The following MGRN1 variants were observed in gnomAD, a reference collection of about 807,000 sequenced individuals.
MGRN1 encodes E3 ubiquitin-protein ligase MGRN1.
In MGRN1, 29 loss-of-function variants were observed where a neutral mutation model predicts 69.2. That is an observed-to-expected ratio of 0.42 (90% CI 0.31 to 0.57). The LOEUF (loss-of-function observed/expected upper bound fraction) is 0.57, where lower values mean the gene tolerates loss of function less well. Among genes scored for constraint, MGRN1 ranks in the 20% least tolerant of loss-of-function variants. The pLI, the probability that MGRN1 is intolerant of heterozygous loss-of-function variation, is 0.15. For missense variants in MGRN1, 998 were observed against 796.2 expected, an observed-to-expected ratio of 1.25 and a Z score of -3.05; for synonymous variants, 470 against 344.2, an observed-to-expected ratio of 1.37 and a Z score of -4.04.
chr16:4,651,719 G>T (rs900638937), intron 2 of MGRN1, among the ~76,000 whole-genome samples: 1 of 152,140 alleles, frequency 6.6e-6, no homozygotes, highest in African/African-American at 2.4e-5. Flanking sequence ...AGCGTGCAGG[G>T]GTCTGGCGTT....
At chr16:4,663,758 G>A (rs542518462) in intron 5 of MGRN1, among the ~76,000 whole-genome samples, 67 of 152,332 alleles carry the variant, frequency 4.4e-4, no homozygotes, top group African/African-American at 1.5e-3. Context: ...AGAGTAGGGC[G>A]AGACCCACAG....
chr16:4,682,686 C>G, intron 13 of MGRN1, 137 bp from the exon 14 acceptor site: 5 of 1,049,584 alleles, frequency 4.8e-6, no homozygotes, highest in Non-Finnish European at 6.4e-6. Context: ...CTGGTGATGC[C>G]CTTCTCCAGG....
chr16:4,668,394 C>G, intron 8 of MGRN1, 82 bp downstream of exon 8: 6 of 1,424,752 alleles, frequency 4.2e-6, no homozygotes, highest in Non-Finnish European at 5.9e-6. Context: ...CATACATAGA[C>G]ACACACTCAT....
rs182524697 is a variant in MGRN1 at position 4,664,531 on chromosome 16, C to T, written c.562-178C>T. 19 of 633,284 alleles carry T rather than the reference C, an allele frequency of 3.0e-5. No individual in the cohort carries two copies. In the East Asian group the frequency reaches 4.9e-4, roughly 16 times the overall value. The allele number at this position is 633,284 out of a possible 1,614,324, so 39.2% of individuals were successfully genotyped here. A position where few individuals can be genotyped will look rare whatever the true frequency, so the allele number is the denominator to read the frequency against. ...TTTGTGTTGTATCTGTTTTAACACA[C>T]ACATAAAAAAGGTGCCAAGCCTGGC... On this transcript the variant is annotated intron_variant, in intron 5 of 16. Transcript: ENST00000262370.
intron 1 of MGRN1, among the ~76,000 whole-genome samples, chr16:4,644,506 C>A (rs2078234365): frequency 6.6e-6 from 1 of 151,472 alleles, no homozygotes; most frequent in African/African-American, 2.4e-5. Context: ...GACAGGGTTT[C>A]TCCATTATGG....
intron 1 of MGRN1, among the ~76,000 whole-genome samples, chr16:4,632,478 C>A (rs1381031802): frequency 6.6e-6 from 1 of 152,022 alleles, no homozygotes; most frequent in African/African-American, 2.4e-5. Flanking sequence ...ACTGCAAGCT[C>A]TGCCTCCCGG....
chr16:4,662,549 C>T (rs957878361), intron 5 of MGRN1, among the ~76,000 whole-genome samples: 1 of 151,942 alleles, frequency 6.6e-6, no homozygotes, highest in South Asian at 2.1e-4. Flanking sequence ...GTAATACTCA[C>T]AACAACTGTA....
At chr16:4,681,522 A>G (rs1350121859) in intron 12 of MGRN1, 28 bp from the exon 13 acceptor site, 1 of 1,589,418 alleles carries the variant, frequency 6.3e-7, no homozygotes, top group Non-Finnish European at 8.6e-7. Context: ...CCTGGGCATG[A>G]GCCCCCTCAC....
At chr16:4,680,916 T>G (rs532386148) in intron 12 of MGRN1, among the ~76,000 whole-genome samples, 1 of 152,364 alleles carries the variant, frequency 6.6e-6, no homozygotes, top group East Asian at 1.9e-4. Context: ...TGACGAGCGT[T>G]GTGCCCCTCA....
chr16:4,650,271 C>G (rs2078372955), intron 1 of MGRN1, 94 bp from the exon 2 acceptor site: 2 of 980,060 alleles, frequency 2.0e-6, no homozygotes, highest in South Asian at 1.6e-5. Context: ...CCACTGCACT[C>G]CAGCCTGGGT....
intron 1 of MGRN1, among the ~76,000 whole-genome samples, chr16:4,626,446 G>C (rs1213460095): frequency 6.6e-6 from 1 of 152,206 alleles, no homozygotes; most frequent in Non-Finnish European, 1.5e-5. Flanking sequence ...CCTTGGTCGA[G>C]GTTGCTTAAC....
chr16:4,643,820 C>A (rs1484003677), intron 1 of MGRN1, among the ~76,000 whole-genome samples: 1 of 152,108 alleles, frequency 6.6e-6, no homozygotes, highest in African/African-American at 2.4e-5. Context: ...AACAAATATT[C>A]CAGTTTTTAT....
chr16:4,625,414 T>C lies in MGRN1; in HGVS notation c.88+366T>C, dbSNP rs1323688817. ...ATCGCTTCTGCCTAGAAAACTCTCATTGTCATCAGATTGACCTCACCGCGG... is the reference window on the plus strand; with the variant it reads ...ATCGCTTCTGCCTAGAAAACTCTCACTGTCATCAGATTGACCTCACCGCGG... On this transcript the variant is annotated intron_variant, in intron 1 of 16. Coordinates refer to ENST00000262370, the MANE Select transcript of MGRN1 (RefSeq NM_015246.4). 5.9e-5 allele frequency among the ~76,000 whole-genome samples: 9 copies of C among 152,176 alleles called. No individual in the cohort carries two copies. The East Asian group carries it at 1.5e-3, about 26-fold the overall frequency.
At position 4,689,072 on chromosome 16, in the gene MGRN1, C is replaced by A; in HGVS notation, c.*164C>A. ...TGATCAAAGAGCACAGTGAACTGTC[C>A]CTTCTGAGTCTCCCTTTTCTACAGT... On this transcript the variant is annotated 3_prime_UTR_variant, in exon 17 of 17. Coordinates refer to ENST00000262370, the MANE Select transcript of MGRN1 (RefSeq NM_015246.4). 1.1e-6 allele frequency: 1 copy of A among 888,626 alleles called. No homozygotes were observed. The highest frequency in any genetic ancestry group is 1.6e-6 in the Non-Finnish European group (1 of 615,936). 55.0% of individuals were successfully genotyped at this position (888,626 alleles called of 1,614,324 possible). A position where few individuals can be genotyped will look rare whatever the true frequency, so the allele number is the denominator to read the frequency against.
chr16:4,655,762 C>T (rs562372653), intron 4 of MGRN1, among the ~76,000 whole-genome samples: 1 of 152,352 alleles, frequency 6.6e-6, no homozygotes, highest in East Asian at 1.9e-4. Context: ...GGCACCCGGA[C>T]ACCATCCAGC....
At chr16:4,674,176 G>A (rs2079002816) in intron 10 of MGRN1, among the ~76,000 whole-genome samples, 1 of 152,206 alleles carries the variant, frequency 6.6e-6, no homozygotes, top group Non-Finnish European at 1.5e-5. Flanking sequence ...TAGAGATGGG[G>A]TTTTGCCATG....
chr16:4,677,403 G>A (rs1363855206), intron 10 of MGRN1, 60 bp from the exon 11 acceptor site: 4 of 1,365,292 alleles, frequency 2.9e-6, no homozygotes, highest in Admixed American at 2.5e-5. Context: ...GGGGCTGGGA[G>A]GGTCCCCTCG....
intron 15 of MGRN1, 37 bp downstream of exon 15, chr16:4,683,306 G>C (rs371618917): frequency 3.9e-5 from 63 of 1,611,792 alleles, no homozygotes; most frequent in Non-Finnish European, 5.2e-5. Flanking sequence ...ACCGCATGCA[G>C]GGACCAGGCA....
In MGRN1 at chr16:4,677,122, GCCC is replaced by G. The variant is rs1367495601; in HGVS notation, c.956-339_956-337del. The G allele has an allele frequency of 1.5e-5, 3 of 200,542 alleles. No homozygotes were observed. In the East Asian group the frequency reaches 3.3e-4, roughly 22 times the overall value. 12.4% of individuals were successfully genotyped at this position (200,542 alleles called of 1,614,324 possible). On this transcript the variant is annotated intron_variant, in intron 10 of 16. Transcript: ENST00000262370. ...CAGCCTCTTGGAAACACCCTCTGGA[GCCC>G]CGCCTTGGGCAGCACTGCATGGCCT...
Sources: gnomAD v4.1 joint callset for allele counts (sites outside exome capture counted in the v4.1 genomes callset) on GRCh38, gnomAD v4.1.1 for gene constraint, MANE v1.5 for transcripts, NCBI Gene and HGNC (gene_info 2026-07-23, HGNC 2026-07-21) for gene names.